The following PCBP3 variants were observed in gnomAD, a reference collection of about 807,000 sequenced individuals.
PCBP3 encodes the protein poly(rC)-binding protein 3.
In PCBP3, 25 loss-of-function variants were observed where a neutral mutation model predicts 52.7. The observed-to-expected ratio is 0.47, with a 90% CI of 0.35 to 0.66. The LOEUF (loss-of-function observed/expected upper bound fraction) is 0.66, where lower values mean the gene tolerates loss of function less well. PCBP3 is among the 30% of genes least tolerant of loss of function. The pLI, the probability that PCBP3 is intolerant of heterozygous loss-of-function variation, is 0.01. For synonymous variants in PCBP3, 162 were observed against 183.0 expected (o/e 0.89, Z 0.93); for missense variants, 391 against 490.3 (o/e 0.80, Z 1.91).
chr21:45,671,974 G>A (rs1287539082), intron 2 of PCBP3, among the ~76,000 whole-genome samples: 1 of 152,086 alleles, frequency 6.6e-6, no homozygotes, highest in East Asian at 1.9e-4. Context: ...TAGGCCTTGG[G>A]AGTGCTATGG....
intron 5 of PCBP3, among the ~76,000 whole-genome samples, chr21:45,886,126 A>AGGTGTGGAGGCCTCATTGCTGCGGGTG (rs2095512762): frequency 2.0e-4 from 12 of 60,024 alleles, no homozygotes; most frequent in South Asian, 8.9e-4. Context: ...TGCCGCTGGT[A>AGGTGTGGAGGCCTCATTGCTGCGGGTG]CCAAGGACAG....
intron 5 of PCBP3, among the ~76,000 whole-genome samples, chr21:45,865,623 T>A (rs2094690325): frequency 2.0e-5 from 3 of 152,164 alleles, no homozygotes; most frequent in Non-Finnish European, 4.4e-5. Context: ...GCCTCATTCC[T>A]CTGGGTCCTG....
At chr21:45,874,960 G>A (rs547788585) in intron 5 of PCBP3, among the ~76,000 whole-genome samples, 6 of 152,324 alleles carry the variant, frequency 3.9e-5, no homozygotes, top group Admixed American at 1.3e-4. Flanking sequence ...AGTGGCTGGA[G>A]GCAGGAGTGC....
chr21:45,751,257 T>A (rs1052393121), intron 3 of PCBP3, among the ~76,000 whole-genome samples: 1 of 152,226 alleles, frequency 6.6e-6, no homozygotes, highest in Non-Finnish European at 1.5e-5. Context: ...GTTTTCTGTT[T>A]CTCTTCTTTT....
intron 2 of PCBP3, among the ~76,000 whole-genome samples, chr21:45,713,109 T>C (rs1269095042): frequency 2.0e-5 from 3 of 152,208 alleles, no homozygotes; most frequent in Admixed American, 2.0e-4. Context: ...TAGGACCACG[T>C]GGGAATTTTG....
intron 4 of PCBP3, among the ~76,000 whole-genome samples, chr21:45,839,581 TG>T (rs2093656639): frequency 6.6e-6 from 1 of 152,224 alleles, no homozygotes; most frequent in Non-Finnish European, 1.5e-5. Context: ...ATAAAATCCT[TG>T]GTTCACATTT....
At chr21:45,921,382 A>G (rs2074409517) in intron 13 of PCBP3, among the ~76,000 whole-genome samples, 1 of 152,220 alleles carries the variant, frequency 6.6e-6, no homozygotes, top group South Asian at 2.1e-4. Context: ...GCCCATGAAT[A>G]AGAAACATCA....
At chr21:45,930,082 G>C in intron 14 of PCBP3, 87 bp downstream of exon 14, 1 of 810,204 alleles carries the variant, frequency 1.2e-6, no homozygotes, top group Non-Finnish European at 2.0e-6. Context: ...GCAGTGCATA[G>C]AACAGGTGCA....
At chr21:45,665,499 A>G (rs1189467558) in intron 1 of PCBP3, among the ~76,000 whole-genome samples, 2 of 152,214 alleles carry the variant, frequency 1.3e-5, no homozygotes, top group African/African-American at 4.8e-5. Flanking sequence ...AATCATTTAT[A>G]AGAGTCTTTA....
At chr21:45,932,872 C>T (rs2076442641) in intron 15 of PCBP3, among the ~76,000 whole-genome samples, 1 of 151,562 alleles carries the variant, frequency 6.6e-6, no homozygotes, top group African/African-American at 2.4e-5. Context: ...GATGGATGGA[C>T]ACCTGGTCCA....
chr21:45,832,478 C>T (rs2093475820), intron 4 of PCBP3: 1 of 152,224 alleles, frequency 6.6e-6, no homozygotes, highest in Non-Finnish European at 1.5e-5. Flanking sequence ...TGTAGTCACT[C>T]TGCCAAACGC....
chr21:45,889,150 CAA>C (rs754463245), intron 5 of PCBP3, among the ~76,000 whole-genome samples: 2 of 152,186 alleles, frequency 1.3e-5, no homozygotes, highest in Non-Finnish European at 2.9e-5. Context: ...TCTGTGGAGA[CAA>C]AGAGCGATGT....
chr21:45,934,223 C>G (rs901457353), intron 15 of PCBP3, among the ~76,000 whole-genome samples: 1 of 152,102 alleles, frequency 6.6e-6, no homozygotes, highest in Non-Finnish European at 1.5e-5. Flanking sequence ...CTGCAGAATC[C>G]GAGTTACAAG....
chr21:45,929,881 A>C (rs756633345), intron 13 of PCBP3, 36 bp from the exon 14 acceptor site: 1 of 1,528,912 alleles, frequency 6.5e-7, no homozygotes, highest in Non-Finnish European at 9.1e-7. Context: ...CTCGATGACA[A>C]TAACCTTCTT....
intron 5 of PCBP3, among the ~76,000 whole-genome samples, chr21:45,856,794 C>T (rs1041944951): frequency 2.0e-5 from 3 of 152,166 alleles, no homozygotes; most frequent in African/African-American, 7.2e-5. Flanking sequence ...TCGGGTACAG[C>T]CTGGTTTTAT....
intron 6 of PCBP3, among the ~76,000 whole-genome samples, chr21:45,897,356 A>G (rs7280381): frequency 0.016 from 2,388 of 152,240 alleles, 73 homozygotes; most frequent in African/African-American, 0.054. Context: ...TTGACTGTGC[A>G]GTCGGCACTT....
chr21:45,838,678 A>G (rs543324356), intron 4 of PCBP3, among the ~76,000 whole-genome samples: 29 of 152,332 alleles, frequency 1.9e-4, no homozygotes, highest in African/African-American at 6.5e-4. Flanking sequence ...CTAAGTAAAT[A>G]TATAACAGGT....
At chr21:45,683,236 C>A (rs1190783906) in intron 2 of PCBP3, among the ~76,000 whole-genome samples, 2 of 152,112 alleles carry the variant, frequency 1.3e-5, no homozygotes, top group Non-Finnish European at 2.9e-5. Context: ...GTGATCCCCA[C>A]AAAGCTGTTT....
At chr21:45,941,395 G>A (rs571944823) in intron 17 of PCBP3, among the ~76,000 whole-genome samples, 2 of 152,176 alleles carry the variant, frequency 1.3e-5, no homozygotes, top group African/African-American at 2.4e-5. Flanking sequence ...CCCAGGGGCC[G>A]ACCCAGGGCT....
Sources: allele counts gnomAD v4.1 joint callset (sites outside exome capture counted in the v4.1 genomes callset), GRCh38; gene constraint gnomAD v4.1.1; transcripts MANE v1.5; gene names NCBI Gene and HGNC (gene_info 2026-07-23, HGNC 2026-07-21).